The following PKP1 variants were observed in gnomAD, a reference collection of about 807,000 sequenced individuals.
The protein encoded by PKP1 is plakophilin 1.
Under a neutral mutation model 76.4 loss-of-function variants are expected in PKP1, and 27 were observed. The observed-to-expected ratio is 0.35, with a 90% CI of 0.26 to 0.49. The LOEUF is 0.49. Among genes scored for constraint, PKP1 ranks in the 20% least tolerant of loss-of-function variants. The pLI is 0.99. For missense variants in PKP1, 964 were observed against 955.2 expected, an observed-to-expected ratio of 1.01 and a Z score of -0.12; for synonymous variants, 404 against 384.2, an observed-to-expected ratio of 1.05 and a Z score of -0.60.
chr1:201,316,407 C>T, intron 3 of PKP1, 146 bp from the exon 4 acceptor site: 1 of 760,962 alleles, frequency 1.3e-6, no homozygotes, highest in Non-Finnish European at 2.2e-6. Flanking sequence ...CAGGGGTATT[C>T]TCCAAGTGGG....
intron 1 of PKP1, among the ~76,000 whole-genome samples, chr1:201,292,462 CAG>C (rs1260633576): frequency 6.6e-6 from 1 of 152,164 alleles, no homozygotes; most frequent in Non-Finnish European, 1.5e-5. Flanking sequence ...TGGAAGGGTG[CAG>C]AGAGTTGGGC....
chr1:201,313,468 G>C lies in PKP1; in HGVS notation c.609G>C (p.Pro203=), dbSNP rs148914791. 1.2e-6 allele frequency: 2 copies of C among 1,612,658 alleles called. No homozygotes were observed. The highest frequency in any genetic ancestry group is 1.7e-6 in the Non-Finnish European group (2 of 1,179,522). ...QKAIKKCPVR[P]PSCASKQDPV... The stretch of plus-strand genomic sequence containing the variant: ...CCATAAAGAAGTGCCCTGTGCGCCC[G>C]CCCTCTTGTGCCTCCAAGCAGGACC... Residue 203 remains proline (P), a synonymous_variant, in exon 3 of 14, where the codon CCG becomes CCC. Coordinates refer to ENST00000367324, the MANE Select transcript of PKP1 (RefSeq NM_001005337.3).
intron 2 of PKP1, among the ~76,000 whole-genome samples, chr1:201,312,551 C>G (rs1299834194): frequency 6.6e-6 from 1 of 152,178 alleles, no homozygotes; most frequent in Admixed American, 6.5e-5. Flanking sequence ...GTAATAAATG[C>G]GAAGGATTGT....
intron 1 of PKP1, among the ~76,000 whole-genome samples, chr1:201,293,727 T>C (rs1347312702): frequency 1.3e-5 from 2 of 152,132 alleles, no homozygotes; most frequent in African/African-American, 2.4e-5. Context: ...TTTAGAGCTG[T>C]CCCTGCAGGA....
chr1:201,288,443 A>G lies in PKP1; in HGVS notation c.202+4539A>G, dbSNP rs750311215. Among the ~76,000 whole-genome samples, 2 of 152,326 alleles carry G rather than the reference A, an allele frequency of 1.3e-5. 1 individual carries two copies. The highest frequency in any genetic ancestry group is 6.8e-3 in the Middle Eastern group (2 of 294). On this transcript the variant is annotated intron_variant, in intron 1 of 13. Transcript: ENST00000367324. ...AAATTTCAAACAACACAAATGCGTG[A>G]GTCCCACCCCCAGAGATTCTGACTT...
intron 6 of PKP1, among the ~76,000 whole-genome samples, chr1:201,319,160 G>A (rs868662172): frequency 9.2e-5 from 14 of 152,164 alleles, no homozygotes; most frequent in African/African-American, 2.7e-4. Context: ...AAAGTCTACC[G>A]ATGGGTTGCT....
At chr1:201,293,513 C>T (rs1019392157) in intron 1 of PKP1, among the ~76,000 whole-genome samples, 1 of 152,198 alleles carries the variant, frequency 6.6e-6, no homozygotes, top group Non-Finnish European at 1.5e-5. Context: ...CTCTAATCAG[C>T]TGTTGCTGCT....
At chr1:201,285,699 G>T (rs700468) in intron 1 of PKP1, among the ~76,000 whole-genome samples, 94,263 of 152,204 alleles carry the variant, frequency 0.62, 34,613 homozygotes, top group East Asian at 0.9. Flanking sequence ...AACTCAAACC[G>T]GCCCTGGGTG....
intron 2 of PKP1, among the ~76,000 whole-genome samples, chr1:201,297,423 G>A (rs1356352123): frequency 1.3e-5 from 2 of 152,144 alleles, no homozygotes; most frequent in African/African-American, 4.8e-5. Flanking sequence ...CTCGCTGCCT[G>A]GTTTCTCAGC....
chr1:201,328,620 T>G (rs1657219629), intron 12 of PKP1, 142 bp from the exon 13 acceptor site: 5 of 757,714 alleles, frequency 6.6e-6, no homozygotes, highest in Non-Finnish European at 1.2e-5. Context: ...TGAGGCCAGT[T>G]TTCGCCCTGA....
In PKP1 at chr1:201,290,774, A is replaced by G. The variant is rs573552265; in HGVS notation, c.203-3168A>G. On this transcript the variant is annotated intron_variant, in intron 1 of 13. Coordinates refer to ENST00000367324, the MANE Select transcript of PKP1 (RefSeq NM_001005337.3). Reference sequence around the variant, plus strand: ...CTCAAGGTCCCAGGGAAAGAAAGACATGGTTCGCACTTCAGAGAGTGTCCA... The same window carrying G: ...CTCAAGGTCCCAGGGAAAGAAAGACGTGGTTCGCACTTCAGAGAGTGTCCA... Among the ~76,000 whole-genome samples, 8 of 152,312 alleles carry G rather than the reference A, an allele frequency of 5.3e-5. No homozygotes were observed. The East Asian group carries it at 1.2e-3, about 22-fold the overall frequency.
In PKP1 at chr1:201,291,634, G is replaced by A. The variant is rs559080227; in HGVS notation, c.203-2308G>A. ...TCTCATAGCAGGAGGCCTCCCCGGT[G>A]CTCCATAAAGTTCTGTCTGTCACCA... On this transcript the variant is annotated intron_variant, in intron 1 of 13. Coordinates refer to ENST00000367324, the MANE Select transcript of PKP1 (RefSeq NM_001005337.3). Among the ~76,000 whole-genome samples, 4 of 152,296 alleles carry A rather than the reference G, an allele frequency of 2.6e-5. No homozygotes were observed. The East Asian group carries it at 7.7e-4, about 29-fold the overall frequency.
intron 3 of PKP1, among the ~76,000 whole-genome samples, chr1:201,314,622 A>C (rs982083838): frequency 2.0e-5 from 3 of 152,226 alleles, no homozygotes; most frequent in Non-Finnish European, 4.4e-5. Flanking sequence ...CCCCGTTAGG[A>C]GCCATAGACG....
At chr1:201,321,246 C>T (rs1265719777) in intron 7 of PKP1, among the ~76,000 whole-genome samples, 1 of 152,216 alleles carries the variant, frequency 6.6e-6, no homozygotes, top group Non-Finnish European at 1.5e-5. Flanking sequence ...CTTTTCTGCT[C>T]TGTGTGCAAT....
chr1:201,318,365 T>C (rs1354360342), intron 5 of PKP1, among the ~76,000 whole-genome samples: 1 of 152,230 alleles, frequency 6.6e-6, no homozygotes, highest in Non-Finnish European at 1.5e-5. Context: ...TTTGATCACT[T>C]TCCACATGCA....
chr1:201,310,599 C>T (rs1044267952), intron 2 of PKP1, among the ~76,000 whole-genome samples: 1 of 152,204 alleles, frequency 6.6e-6, no homozygotes, highest in African/African-American at 2.4e-5. Context: ...GGAGGGAATC[C>T]AGGCCCCCTC....
chr1:201,301,111 C>A lies in PKP1; in HGVS notation c.306+7066C>A, dbSNP rs1434201358. 3.9e-5 allele frequency among the ~76,000 whole-genome samples: 6 copies of A among 152,294 alleles called. No homozygotes were observed. In the East Asian group the frequency reaches 9.7e-4, roughly 25 times the overall value. ...GCACGCTGGCCCCTCCATCCTCCTG[C>A]CCCAGGGAGGAGCACCAGACCCAGG... On this transcript the variant is annotated intron_variant, in intron 2 of 13. Coordinates refer to ENST00000367324, the MANE Select transcript of PKP1 (RefSeq NM_001005337.3).
chr1:201,312,339 A>C (rs983932508), intron 2 of PKP1, among the ~76,000 whole-genome samples: 15 of 152,202 alleles, frequency 9.9e-5, no homozygotes, highest in African/African-American at 3.4e-4. Context: ...AAGGGGCCCA[A>C]GAAGGCTGGC....
intron 6 of PKP1, 55 bp downstream of exon 6, chr1:201,318,850 G>T: frequency 6.9e-7 from 1 of 1,444,318 alleles, no homozygotes; most frequent in South Asian, 1.2e-5. Context: ...CCCTTCCCCA[G>T]GCAGCCCCAT....
Sources: gnomAD v4.1 joint callset for allele counts (sites outside exome capture counted in the v4.1 genomes callset) on GRCh38, gnomAD v4.1.1 for gene constraint, MANE v1.5 for transcripts, NCBI Gene and HGNC (gene_info 2026-07-23, HGNC 2026-07-21) for gene names.